Variants in ST3GAL6 observed in about 807,000 individuals in gnomAD.
ST3GAL6 encodes the protein ST3 beta-galactoside alpha-2,3-sialyltransferase 6.
ST3GAL6 carries 31 observed loss-of-function variants against 40.5 expected under a neutral mutation model. The observed-to-expected ratio is 0.77, with a 90% confidence interval of 0.58 to 1.03. ST3GAL6 has a LOEUF of 1.03. ST3GAL6 is among the 50% of genes least tolerant of loss of function. The pLI, the probability that ST3GAL6 is intolerant of heterozygous loss-of-function variation, is 0.00. For missense variants in ST3GAL6, 357 were observed against 393.2 expected (o/e 0.91, Z 0.78); for synonymous variants, 129 against 136.9 (o/e 0.94, Z 0.40).
upstream of ST3GAL6, among the ~76,000 whole-genome samples, chr3:98,758,582 C>T (rs1353578488): frequency 2.6e-5 from 4 of 152,160 alleles, no homozygotes; most frequent in Non-Finnish European, 4.4e-5. Context: ...GAATGCCTTT[C>T]ACTTTATATT....
In ST3GAL6 at chr3:98,770,227, A is replaced by T. The variant is rs138037239; in HGVS notation, c.90-652A>T. Among the ~76,000 whole-genome samples, 8 of 152,334 alleles carry T rather than the reference A, an allele frequency of 5.3e-5. No homozygotes were observed. The East Asian group carries it at 1.5e-3, about 29-fold the overall frequency. On this transcript the variant is annotated intron_variant, in intron 2 of 9. Transcript: ENST00000483910. Reference sequence around the variant, plus strand: ...TTTCCTCTTTCCCAGCTAAGTCTGGATCCTGCCATCCACCACCCCTTTCAT... The same window carrying T: ...TTTCCTCTTTCCCAGCTAAGTCTGGTTCCTGCCATCCACCACCCCTTTCAT...
At chr3:98,752,401 T>C (rs185575787) in intron 1 of ST3GAL6, among the ~76,000 whole-genome samples, 27 of 152,198 alleles carry the variant, frequency 1.8e-4, no homozygotes, top group Admixed American at 3.3e-4. Flanking sequence ...TTATTATATC[T>C]GTTATGGTGA....
intron 5 of ST3GAL6, among the ~76,000 whole-genome samples, chr3:98,779,704 T>G (rs1463072790): frequency 3.9e-5 from 6 of 152,236 alleles, no homozygotes; most frequent in Admixed American, 1.3e-4. Context: ...TTTAGCAGCT[T>G]TCCAGATTTC....
chr3:98,777,558 A>G (rs1177546141), intron 5 of ST3GAL6, among the ~76,000 whole-genome samples: 2 of 152,226 alleles, frequency 1.3e-5, no homozygotes, highest in Admixed American at 1.3e-4. Context: ...TCACCTTTAA[A>G]AGCAAACATG....
chr3:98,752,376 C>T (rs377752209), intron 1 of ST3GAL6, among the ~76,000 whole-genome samples: 1 of 152,020 alleles, frequency 6.6e-6, no homozygotes, highest in Non-Finnish European at 1.5e-5. Flanking sequence ...CTTAATATTT[C>T]AGATTTTTTC....
intron 5 of ST3GAL6, among the ~76,000 whole-genome samples, chr3:98,780,072 A>G (rs2107269848): frequency 6.6e-6 from 1 of 152,352 alleles, no homozygotes; most frequent in East Asian, 1.9e-4. Flanking sequence ...CCACACATAA[A>G]AAGGCAGAGG....
chr3:98,788,232 C>A lies in ST3GAL6; in HGVS notation c.618+10C>A. ...GATGGGTGACAAAATAGTAAGTAGG[C>A]AAAATTGTTCTGCCTTCAGATTACC... On this transcript the variant is annotated intron_variant, in intron 7 of 9. Coordinates refer to ENST00000483910, the MANE Select transcript of ST3GAL6 (RefSeq NM_001323368.2). The A allele has an allele frequency of 1.2e-6, 2 of 1,603,912 alleles. No homozygotes were observed. Among genetic ancestry groups the A allele is most frequent in the Non-Finnish European group, 1.7e-6 (2 of 1,174,244 alleles).
intron 3 of ST3GAL6, 64 bp from the exon 4 acceptor site, chr3:98,772,749 G>T (rs1685324186): frequency 2.7e-6 from 3 of 1,099,324 alleles, no homozygotes; most frequent in Admixed American, 1.7e-5. Context: ...TTTTAGTTTT[G>T]ATTTTAAAAG....
At chr3:98,756,477 C>T in intron 1 of ST3GAL6, 1 of 1,289,146 alleles carries the variant, frequency 7.8e-7, no homozygotes, top group Non-Finnish European at 1.0e-6. Flanking sequence ...CCTGGTCCCT[C>T]TTTCGCAAAT....
At chr3:98,733,458 G>T (rs1935236479) in intron 1 of ST3GAL6, 1 of 990,954 alleles carries the variant, frequency 1.0e-6, no homozygotes, top group African/African-American at 1.7e-5. Flanking sequence ...GGGTCTGTAC[G>T]CGAGGAGGGT....
intron 5 of ST3GAL6, chr3:98,782,741 G>C (rs1940261302): frequency 4.0e-6 from 2 of 499,252 alleles, no homozygotes; most frequent in African/African-American, 3.9e-5. Flanking sequence ...CATAGATCAT[G>C]TTCAGCCTCC....
intron 1 of ST3GAL6, among the ~76,000 whole-genome samples, chr3:98,750,051 G>A (rs1012257117): frequency 1.2e-4 from 19 of 152,154 alleles, no homozygotes; most frequent in African/African-American, 1.2e-4. Context: ...TCCCTGCCCC[G>A]TTCAGAGACA....
At chr3:98,733,815 G>A (rs765921083) in intron 1 of ST3GAL6, among the ~76,000 whole-genome samples, 1 of 152,160 alleles carries the variant, frequency 6.6e-6, no homozygotes, top group African/African-American at 2.4e-5. Flanking sequence ...GGGTTGGCGG[G>A]GACAGTGGGG....
At chr3:98,758,997 C>T (rs1237454108), upstream of ST3GAL6, among the ~76,000 whole-genome samples, 1 of 152,200 alleles carries the variant, frequency 6.6e-6, no homozygotes, top group East Asian at 1.9e-4. Flanking sequence ...AGAGCTGAGA[C>T]TCAAACTCAG....
intron 1 of ST3GAL6, among the ~76,000 whole-genome samples, chr3:98,750,905 A>T (rs1330575263): frequency 2.0e-5 from 3 of 152,130 alleles, no homozygotes; most frequent in African/African-American, 4.8e-5. Context: ...AATCCTCTTC[A>T]TGAAGGACCT....
intron 1 of ST3GAL6, among the ~76,000 whole-genome samples, chr3:98,746,716 ATTAT>A (rs1371258029): frequency 2.0e-5 from 3 of 152,038 alleles, no homozygotes; most frequent in Admixed American, 1.3e-4. Flanking sequence ...ATTATGCAAT[ATTAT>A]TTATTTTATT....
At position 98,794,548 on chromosome 3, in the gene ST3GAL6, G is replaced by T. The variant is rs903630186; in HGVS notation, c.*787G>T. 1.5e-4 allele frequency: 23 copies of T among 151,988 alleles called. No homozygotes were observed. Among genetic ancestry groups the T allele is most frequent in the African/African-American group, 4.8e-4 (20 of 41,366 alleles). 9.4% of individuals were successfully genotyped at this position (151,988 alleles called of 1,614,324 possible). A position where few individuals can be genotyped will look rare whatever the true frequency, so the allele number is the denominator to read the frequency against. On this transcript the variant is annotated 3_prime_UTR_variant, in exon 10 of 10. Coordinates refer to ENST00000483910, the MANE Select transcript of ST3GAL6 (RefSeq NM_001323368.2). ...AAATTTTGAAGGTTTTCCACTTGAA[G>T]TAAATTAGGAAAGGTAAAGAAGATA...
At chr3:98,782,646 T>C in intron 5 of ST3GAL6, 1 of 454,010 alleles carries the variant, frequency 2.2e-6, no homozygotes, top group South Asian at 2.1e-5. Context: ...TCTGAAAACA[T>C]CTCCAACTTC....
rs770994928 is a variant in ST3GAL6 at position 98,792,663 on chromosome 3, C to T, written c.909+670C>T. ...CTGGGATAACAGGCGCCCGCCACCA[C>T]GACCGGCTAATTTTTTTTTTTTTTT... On this transcript the variant is annotated intron_variant, in intron 9 of 9. Coordinates refer to ENST00000483910, the MANE Select transcript of ST3GAL6 (RefSeq NM_001323368.2). Among the ~76,000 whole-genome samples the T allele has an allele frequency of 2.8e-5, 4 of 142,990 alleles. No homozygotes were observed. The South Asian group carries it at 9.4e-4, about 34-fold the overall frequency. 93.8% of individuals were successfully genotyped at this position (142,990 alleles called of 152,430 possible). A position where few individuals can be genotyped will look rare whatever the true frequency, so the allele number is the denominator to read the frequency against.
Sources: gnomAD v4.1 joint callset for allele counts (sites outside exome capture counted in the v4.1 genomes callset) on GRCh38, gnomAD v4.1.1 for gene constraint, MANE v1.5 for transcripts, NCBI Gene and HGNC (gene_info 2026-07-23, HGNC 2026-07-21) for gene names.